ANKS4B: variants seen among roughly 807,000 people sequenced by gnomAD.
ANKS4B encodes the protein ankyrin repeat and SAM domain-containing protein 4B.
In ANKS4B, 21 loss-of-function variants were observed where a neutral mutation model predicts 20.2. That is an observed-to-expected ratio of 1.04 (90% confidence interval 0.74 to 1.50). ANKS4B has a LOEUF of 1.50. Among genes scored for constraint, ANKS4B ranks in the 40% most tolerant of loss-of-function variants. ANKS4B has a pLI of 0.00. For synonymous variants in ANKS4B, 179 were observed against 194.5 expected (o/e 0.92, Z 0.66); for missense variants, 473 against 494.6 (o/e 0.96, Z 0.41).
In ANKS4B at chr16:21,249,781, C is replaced by G; in HGVS notation, c.215C>G (p.Ala72Gly). Residue 72 changes from alanine to glycine, a missense_variant, in exon 2 of 2, where the codon GCA (alanine) becomes GGA (glycine). Transcript: ENST00000311620. ...DIWGNTPLHF[A>G]ASNGHAHCVS... is the part of the protein sequence containing the mutation. ...TGGGGAAACACTCCTCTACATTTTGCAGCCTCCAATGGCCATGCCCACTGC... is the reference window on the plus strand; with the variant it reads ...TGGGGAAACACTCCTCTACATTTTGGAGCCTCCAATGGCCATGCCCACTGC... 3 of 1,614,108 alleles carry G rather than the reference C, an allele frequency of 1.9e-6. No homozygotes were observed. The highest frequency in any genetic ancestry group is 2.5e-6 in the Non-Finnish European group (3 of 1,179,996).
intron 1 of ANKS4B, among the ~76,000 whole-genome samples, chr16:21,237,123 C>T (rs2152859166): frequency 6.6e-6 from 1 of 151,952 alleles, no homozygotes; most frequent in South Asian, 2.1e-4. Context: ...CGGGTTTGAG[C>T]AATTTTCCTG....
At chr16:21,241,060 T>C (rs569074972) in intron 1 of ANKS4B, among the ~76,000 whole-genome samples, 70 of 152,188 alleles carry the variant, frequency 4.6e-4, no homozygotes, top group African/African-American at 1.7e-3. Flanking sequence ...TCCCAAATTG[T>C]TGGGATTACA....
Position 21,253,804 on chromosome 16 carries a change from C to T in ANKS4B, c.*2984C>T, listed in dbSNP as rs570625858. The T allele has an allele frequency of 3.3e-5, 5 of 152,190 alleles. No homozygotes were observed. Among genetic ancestry groups the T allele is most frequent in the East Asian group, 1.9e-4 (1 of 5,188 alleles). The allele number at this position is 152,190 out of a possible 1,614,324, so 9.4% of individuals were successfully genotyped here. ...CTCAGCATCAAGGATATAGTCTCTT[C>T]GTCACAGAGTATTGTTATATAATAA... On this transcript the variant is annotated 3_prime_UTR_variant, in exon 2 of 2. Transcript: ENST00000311620.
chr16:21,246,868 A>C (rs916306615), intron 1 of ANKS4B, among the ~76,000 whole-genome samples: 2 of 152,208 alleles, frequency 1.3e-5, no homozygotes, highest in African/African-American at 4.8e-5. Context: ...CTTTGTAACT[A>C]ACACACACCA....
At chr16:21,243,537 G>A (rs1567225998) in intron 1 of ANKS4B, among the ~76,000 whole-genome samples, 1 of 152,172 alleles carries the variant, frequency 6.6e-6, no homozygotes, top group Non-Finnish European at 1.5e-5. Flanking sequence ...ATTTGGAAAT[G>A]TGTCTGTAAG....
intron 1 of ANKS4B, among the ~76,000 whole-genome samples, chr16:21,239,362 G>A (rs888676858): frequency 6.6e-6 from 1 of 152,104 alleles, no homozygotes; most frequent in Admixed American, 6.5e-5. Flanking sequence ...GTCATTTGAG[G>A]TCAGGAGTTC....
intron 1 of ANKS4B, among the ~76,000 whole-genome samples, chr16:21,246,521 G>A (rs1170534566): frequency 2.6e-5 from 4 of 152,122 alleles, no homozygotes; most frequent in Non-Finnish European, 4.4e-5. Context: ...TTGTTTTTAA[G>A]AGAAGTTATT....
At position 21,253,658 on chromosome 16, in the gene ANKS4B, C is replaced by T. The variant is rs552382998; in HGVS notation, c.*2838C>T. On this transcript the variant is annotated 3_prime_UTR_variant, in exon 2 of 2. Transcript: ENST00000311620. ...TGGTAGAAATGAACTTGAACATTGA[C>T]TCTCATCCCTTTTTAGGAGATATTT... The T allele has an allele frequency of 2.0e-5, 3 of 152,256 alleles. 1 individual carries two copies. Among genetic ancestry groups the T allele is most frequent in the African/African-American group, 7.2e-5 (3 of 41,558 alleles). 9.4% of individuals were successfully genotyped at this position (152,256 alleles called of 1,614,324 possible).
rs372062197 is a variant in ANKS4B, at chr16:21,249,806, C to A, written c.240C>A (p.Cys80Ter). ...HFAASNGHAH[C>*]VSFLVNFGAN... ...CAGCCTCCAATGGCCATGCCCACTG[C>A]GTCTCATTCCTGGTCAACTTTGGTG... Residue 80 changes from cysteine (C) to a stop codon, truncating the protein, a stop_gained, in exon 2 of 2, where the codon TGC becomes TGA. Transcript: ENST00000311620. LOFTEE classifies it high-confidence loss of function. 1.2e-6 allele frequency: 2 copies of A among 1,614,084 alleles called. No homozygotes were observed. The highest frequency in any genetic ancestry group is 2.2e-5 in the South Asian group (2 of 91,084).
rs555108858 is a variant in ANKS4B, at chr16:21,248,679, C to T, written c.165-1052C>T. On this transcript the variant is annotated intron_variant, in intron 1 of 1. Coordinates refer to ENST00000311620, the MANE Select transcript of ANKS4B (RefSeq NM_145865.3). ...TGGGAGGTGGAGGTTGCAGTCAAGCCGAGATTGCACCACTGCACTCCAGCC... is the reference window on the plus strand; with the variant it reads ...TGGGAGGTGGAGGTTGCAGTCAAGCTGAGATTGCACCACTGCACTCCAGCC... 2.8e-3 allele frequency among the ~76,000 whole-genome samples: 423 copies of T among 151,874 alleles called. 3 individuals carry two copies. Among genetic ancestry groups the T allele is most frequent in the African/African-American group, 9.9e-3 (409 of 41,440 alleles).
chr16:21,246,549 T>C (rs535305785), intron 1 of ANKS4B, among the ~76,000 whole-genome samples: 16 of 152,312 alleles, frequency 1.1e-4, no homozygotes, highest in African/African-American at 3.6e-4. Flanking sequence ...TTTAATTAGA[T>C]GGGGAGGAAA....
intron 1 of ANKS4B, among the ~76,000 whole-genome samples, chr16:21,239,203 T>G (rs945306668): frequency 2.0e-5 from 3 of 152,152 alleles, no homozygotes; most frequent in Non-Finnish European, 4.4e-5. Context: ...GTGTGACAAT[T>G]GCTCCAAGAG....
chr16:21,240,419 G>A (rs927979542), intron 1 of ANKS4B, among the ~76,000 whole-genome samples: 5 of 152,034 alleles, frequency 3.3e-5, no homozygotes, highest in African/African-American at 1.2e-4. Context: ...CTCTGGAATA[G>A]CTGAGACTAC....
Position 21,249,719 on chromosome 16 carries a change from T to C in ANKS4B, c.165-12T>C, listed in dbSNP as rs2093336399. The stretch of plus-strand genomic sequence containing the variant: ...GTCCAACATGTATTTTTTTTCTCTC[T>C]CTCTCTTCTAGAGGGGACCCTGATA... On this transcript the variant is annotated splice_polypyrimidine_tract_variant and intron_variant, in intron 1 of 1. Coordinates refer to ENST00000311620, the MANE Select transcript of ANKS4B (RefSeq NM_145865.3). 1.3e-6 allele frequency: 2 copies of C among 1,563,898 alleles called. No individual in the cohort carries two copies. Among genetic ancestry groups the C allele is most frequent in the Non-Finnish European group, 1.7e-6 (2 of 1,152,808 alleles).
intron 1 of ANKS4B, 52 bp downstream of exon 1, chr16:21,233,953 T>C: frequency 6.5e-7 from 1 of 1,533,992 alleles, no homozygotes; most frequent in Non-Finnish European, 8.9e-7. Context: ...GGTAGGTTTT[T>C]GCAGACAGCA....
At chr16:21,236,056 A>G (rs2093319894) in intron 1 of ANKS4B, among the ~76,000 whole-genome samples, 1 of 152,218 alleles carries the variant, frequency 6.6e-6, no homozygotes, top group Non-Finnish European at 1.5e-5. Flanking sequence ...GGTAATTTAT[A>G]AAGAAAAGAG....
chr16:21,244,493 G>A (rs144007142), intron 1 of ANKS4B, among the ~76,000 whole-genome samples: 39 of 151,784 alleles, frequency 2.6e-4, no homozygotes, highest in African/African-American at 8.5e-4. Flanking sequence ...CATTTAACCC[G>A]GACACCTTAG....
intron 1 of ANKS4B, among the ~76,000 whole-genome samples, chr16:21,243,367 C>T (rs1322028061): frequency 6.6e-6 from 1 of 152,130 alleles, no homozygotes; most frequent in Non-Finnish European, 1.5e-5. Flanking sequence ...CGTAGAGCAT[C>T]AATGTTGAAC....
chr16:21,243,818 C>T (rs2093329235), intron 1 of ANKS4B: 1 of 152,010 alleles, frequency 6.6e-6, no homozygotes, highest in Non-Finnish European at 1.5e-5. Flanking sequence ...CGTGATCCAC[C>T]CACCTTGGCC....
Sources: allele counts gnomAD v4.1 joint callset (sites outside exome capture counted in the v4.1 genomes callset), GRCh38; gene constraint gnomAD v4.1.1; transcripts MANE v1.5; gene names NCBI Gene and HGNC (gene_info 2026-07-23, HGNC 2026-07-21).